Variants in NTNG1 observed in about 807,000 individuals in gnomAD.
NTNG1 encodes the protein netrin-G1.
In NTNG1, 16 loss-of-function variants were observed where a neutral mutation model predicts 54.0. That is an observed-to-expected ratio of 0.30 (90% CI 0.20 to 0.45). NTNG1 has a LOEUF of 0.45. NTNG1 is among the 20% of genes least tolerant of loss of function. The pLI is 1.00. For synonymous variants in NTNG1, 255 were observed against 263.1 expected (o/e 0.97, Z 0.30); for missense variants, 530 against 678.7 (o/e 0.78, Z 2.43).
chr1:107,239,675 G>GTTT (rs1179054652), intron 2 of NTNG1, among the ~76,000 whole-genome samples: 2 of 152,172 alleles, frequency 1.3e-5, no homozygotes, highest in African/African-American at 4.8e-5. Flanking sequence ...GAGCCATGAT[G>GTTT]TTTAGTTATA....
At chr1:107,412,770 A>G (rs1037395022) in intron 5 of NTNG1, among the ~76,000 whole-genome samples, 1 of 152,196 alleles carries the variant, frequency 6.6e-6, no homozygotes, top group South Asian at 2.1e-4. Flanking sequence ...ACCACCAAAC[A>G]TCTTCAATAT....
rs564962797 is a variant in NTNG1 at position 107,167,303 on chromosome 1, T to C, written c.246+18464T>C. Reference sequence around the variant, plus strand: ...AGAAGAACTTTATTTTAGAAGAATCTATCTGTAATGACAGAACATCGGCAT... The same window carrying C: ...AGAAGAACTTTATTTTAGAAGAATCCATCTGTAATGACAGAACATCGGCAT... On this transcript the variant is annotated intron_variant, in intron 2 of 7. Coordinates refer to ENST00000370068, the MANE Select transcript of NTNG1 (RefSeq NM_001113226.3). 2.0e-5 allele frequency among the ~76,000 whole-genome samples: 3 copies of C among 152,058 alleles called. No individual in the cohort carries two copies. In the East Asian group the frequency reaches 5.8e-4, roughly 29 times the overall value.
intron 2 of NTNG1, among the ~76,000 whole-genome samples, chr1:107,243,530 A>C (rs563038223): frequency 1.3e-5 from 2 of 152,294 alleles, no homozygotes; most frequent in Non-Finnish European, 2.9e-5. Flanking sequence ...GAATTGTATA[A>C]GTTGGTTGTG....
rs574662210 is a variant in NTNG1, at chr1:107,244,185, A to T, written c.247-80097A>T. ...GTTTAGTTTTATATATTTGCTTTAT[A>T]TACATAGAAACCAATAAACAAGAGT... is the stretch of plus-strand genomic sequence containing the variant. On this transcript the variant is annotated intron_variant, in intron 2 of 7. Transcript: ENST00000370068. Among the ~76,000 whole-genome samples the T allele has an allele frequency of 3.9e-5, 6 of 152,340 alleles. No individual in the cohort carries two copies. The East Asian group carries it at 9.6e-4, about 24-fold the overall frequency.
At chr1:107,467,645 G>A (rs1340661201) in intron 7 of NTNG1, among the ~76,000 whole-genome samples, 2 of 152,200 alleles carry the variant, frequency 1.3e-5, no homozygotes, top group African/African-American at 4.8e-5. Context: ...AAACTTTGTG[G>A]TTCAAATTTT....
intron 3 of NTNG1, among the ~76,000 whole-genome samples, chr1:107,331,526 T>C (rs1668279948): frequency 6.6e-6 from 1 of 152,144 alleles, no homozygotes; most frequent in African/African-American, 2.4e-5. Context: ...TATTTTTCCA[T>C]GGGGAGACAA....
At chr1:107,206,613 T>C (rs1659215340) in intron 2 of NTNG1, among the ~76,000 whole-genome samples, 1 of 152,108 alleles carries the variant, frequency 6.6e-6, no homozygotes, top group East Asian at 1.9e-4. Flanking sequence ...ATAAAACATA[T>C]AGGGTCCACT....
At chr1:107,459,349 A>G (rs1677138084) in intron 7 of NTNG1, among the ~76,000 whole-genome samples, 1 of 152,146 alleles carries the variant, frequency 6.6e-6, no homozygotes, top group African/African-American at 2.4e-5. Context: ...GCTTCAGGTT[A>G]TGCTATTCAT....
At chr1:107,234,002 C>A (rs1661235676) in intron 2 of NTNG1, among the ~76,000 whole-genome samples, 1 of 152,044 alleles carries the variant, frequency 6.6e-6, no homozygotes, top group Admixed American at 6.5e-5. Context: ...ACTTTATACC[C>A]CGGAGCCCTG....
rs1330275630 is a variant in NTNG1, at chr1:107,231,477, G to A, written c.246+82638G>A. 2.6e-5 allele frequency among the ~76,000 whole-genome samples: 4 copies of A among 152,148 alleles called. No homozygotes were observed. In the South Asian group the frequency reaches 6.2e-4, roughly 24 times the overall value. On this transcript the variant is annotated intron_variant, in intron 2 of 7. Transcript: ENST00000370068. ...ATTCCATGTGTCTTCTCAACAGATT[G>A]TATACTTTTTCTAGGACTATTTGTG...
chr1:107,372,831 A>G (rs993967873), intron 3 of NTNG1, among the ~76,000 whole-genome samples: 2 of 152,122 alleles, frequency 1.3e-5, no homozygotes, highest in African/African-American at 4.8e-5. Context: ...GGAAGAATAA[A>G]CGATTAGAAT....
chr1:107,351,819 G>A (rs1373572137), intron 3 of NTNG1, among the ~76,000 whole-genome samples: 1 of 152,194 alleles, frequency 6.6e-6, no homozygotes, highest in Non-Finnish European at 1.5e-5. Flanking sequence ...CTATCAGTCT[G>A]TAAAATCAAA....
At chr1:107,200,110 G>T (rs1276441428) in intron 2 of NTNG1, among the ~76,000 whole-genome samples, 2 of 151,744 alleles carry the variant, frequency 1.3e-5, no homozygotes, top group African/African-American at 4.8e-5. Context: ...CAGATTCTTG[G>T]ATACTGCTTT....
chr1:107,144,368 CT>C (rs1449994127), intron 1 of NTNG1, among the ~76,000 whole-genome samples: 1 of 151,924 alleles, frequency 6.6e-6, no homozygotes, highest in Non-Finnish European at 1.5e-5. Flanking sequence ...TCAGGTACCC[CT>C]GAAAAGCTGA....
At chr1:107,393,975 T>C (rs1672520636) in intron 3 of NTNG1, among the ~76,000 whole-genome samples, 1 of 152,074 alleles carries the variant, frequency 6.6e-6, no homozygotes, top group African/African-American at 2.4e-5. Context: ...CTTGATTTTC[T>C]ATATTTTTGT....
At chr1:107,452,329 G>A (rs981483786) in intron 7 of NTNG1, among the ~76,000 whole-genome samples, 1 of 152,168 alleles carries the variant, frequency 6.6e-6, no homozygotes, top group Non-Finnish European at 1.5e-5. Flanking sequence ...ATTTGACAAA[G>A]CAGTAAATTA....
At position 107,433,246 on chromosome 1, in the gene NTNG1, A is replaced by C. The variant is rs112685815; in HGVS notation, c.1255+2329A>C. 6.4e-3 allele frequency among the ~76,000 whole-genome samples: 973 copies of C among 152,298 alleles called. 6 individuals carry two copies. Among genetic ancestry groups the C allele is most frequent in the South Asian group, 0.019 (94 of 4,824 alleles). On this transcript the variant is annotated intron_variant, in intron 6 of 7. Transcript: ENST00000370068. ...AAGGAGTGCATTCCTAGGTACTATT[A>C]AAGTTAGCTACATTAGGCCAGGTGC...
intron 5 of NTNG1, among the ~76,000 whole-genome samples, chr1:107,418,135 A>G (rs1028886751): frequency 6.6e-6 from 1 of 152,050 alleles, no homozygotes; most frequent in African/African-American, 2.4e-5. Context: ...CACACTTAAA[A>G]CATACCCCGA....
chr1:107,308,969 G>A (rs190727259), intron 2 of NTNG1, among the ~76,000 whole-genome samples: 12 of 151,902 alleles, frequency 7.9e-5, no homozygotes, highest in African/African-American at 1.9e-4. Flanking sequence ...CATTTTCACC[G>A]TCTTCCAGAC....
Sources: allele counts gnomAD v4.1 joint callset (sites outside exome capture counted in the v4.1 genomes callset), GRCh38; gene constraint gnomAD v4.1.1; transcripts MANE v1.5; gene names NCBI Gene and HGNC (gene_info 2026-07-23, HGNC 2026-07-21).